Variants in NRXN1 observed in about 807,000 individuals in gnomAD.
NRXN1 encodes neurexin-1.
Under a neutral mutation model 150.9 loss-of-function variants are expected in NRXN1, and 39 were observed. The ratio of observed to expected loss-of-function variants is 0.26; its 90% CI spans 0.20 to 0.34. The LOEUF (loss-of-function observed/expected upper bound fraction) is 0.34. Ranked by LOEUF, NRXN1 falls within the 10% of genes least tolerant of loss-of-function variation. The pLI is 1.00. For synonymous variants in NRXN1, 924 were observed against 757.0 expected, an observed-to-expected ratio of 1.22 and a Z score of -3.62; for missense variants, 1,815 against 1,949.9, an observed-to-expected ratio of 0.93 and a Z score of 1.30.
At chr2:50,170,212 G>GT (rs1223868647) in intron 18 of NRXN1, among the ~76,000 whole-genome samples, 3 of 151,812 alleles carry the variant, frequency 2.0e-5, no homozygotes, top group Admixed American at 6.6e-5. Context: ...AAAATTTGAA[G>GT]TTTGAAATGC....
At chr2:49,998,681 AT>A (rs1683400844) in intron 21 of NRXN1, among the ~76,000 whole-genome samples, 1 of 152,192 alleles carries the variant, frequency 6.6e-6, no homozygotes, top group Admixed American at 6.5e-5. Flanking sequence ...TTTAAAAAAA[AT>A]AATGTCATGG....
chr2:50,994,471 T>C (rs1261662461), intron 2 of NRXN1, among the ~76,000 whole-genome samples: 2 of 152,042 alleles, frequency 1.3e-5, no homozygotes, highest in East Asian at 3.9e-4. Context: ...ACTTTTGTTT[T>C]GACAAGAGAA....
intron 17 of NRXN1, among the ~76,000 whole-genome samples, chr2:50,239,460 C>A (rs1042108978): frequency 4.8e-5 from 7 of 145,152 alleles, no homozygotes. Context: ...TATAAAACAA[C>A]ATTGCATATT....
intron 16 of NRXN1, among the ~76,000 whole-genome samples, chr2:50,467,166 T>C (rs898253242): frequency 3.3e-5 from 5 of 151,884 alleles, no homozygotes; most frequent in African/African-American, 1.2e-4. Flanking sequence ...ATTGGGTATA[T>C]GCCACTTATG....
chr2:50,136,232 C>A (rs1400334940), intron 18 of NRXN1, among the ~76,000 whole-genome samples: 3 of 152,018 alleles, frequency 2.0e-5, no homozygotes, highest in Admixed American at 6.6e-5. Flanking sequence ...AGTAGTTGAG[C>A]AAGCCTGACT....
At chr2:50,967,665 C>A (rs142874138) in intron 2 of NRXN1, among the ~76,000 whole-genome samples, 1 of 151,976 alleles carries the variant, frequency 6.6e-6, no homozygotes, top group African/African-American at 2.4e-5. Context: ...GAAGAGAGGG[C>A]AAAAGGCTGT....
chr2:50,248,821 G>C (rs1230156341), intron 17 of NRXN1, among the ~76,000 whole-genome samples: 1 of 152,048 alleles, frequency 6.6e-6, no homozygotes, highest in Non-Finnish European at 1.5e-5. Context: ...AGGGAAACTA[G>C]TGTAAACAAA....
chr2:50,267,065 G>A (rs922294185), intron 17 of NRXN1, among the ~76,000 whole-genome samples: 10 of 152,160 alleles, frequency 6.6e-5, no homozygotes, highest in African/African-American at 2.4e-4. Context: ...AGGCTACTGT[G>A]ATTCTGTTTT....
At chr2:50,669,490 T>C (rs1484749086) in intron 5 of NRXN1, among the ~76,000 whole-genome samples, 3 of 152,008 alleles carry the variant, frequency 2.0e-5, no homozygotes, top group African/African-American at 7.2e-5. Flanking sequence ...TTATCCTCAC[T>C]TGGAGATACA....
At chr2:50,795,135 T>C (rs72889427) in intron 5 of NRXN1, among the ~76,000 whole-genome samples, 4,618 of 152,184 alleles carry the variant, frequency 0.03, 219 homozygotes, top group African/African-American at 0.1. Context: ...CTGGGACCTG[T>C]AGTCTTTTCA....
intron 15 of NRXN1, among the ~76,000 whole-genome samples, chr2:50,493,499 C>A (rs893926107): frequency 6.6e-6 from 1 of 152,120 alleles, no homozygotes; most frequent in South Asian, 2.1e-4. Context: ...GAGAGCTTTG[C>A]ATTGCAGAAA....
chr2:50,707,593 CTGA>C, intron 5 of NRXN1, among the ~76,000 whole-genome samples: 1 of 152,224 alleles, frequency 6.6e-6, no homozygotes, highest in African/African-American at 2.4e-5. Context: ...TCCTGCTGCC[CTGA>C]TGAAGCCTGG....
At chr2:50,961,084 TAC>T (rs1558495496) in intron 2 of NRXN1, among the ~76,000 whole-genome samples, 1 of 151,916 alleles carries the variant, frequency 6.6e-6, no homozygotes, top group East Asian at 1.9e-4. Flanking sequence ...AATATGCTGA[TAC>T]AGAGATAAGA....
intron 18 of NRXN1, among the ~76,000 whole-genome samples, chr2:50,092,369 A>G (rs2152698736): frequency 6.6e-6 from 1 of 152,330 alleles, no homozygotes; most frequent in Middle Eastern, 3.4e-3. Flanking sequence ...CAACTCTACC[A>G]TGAAATCAGT....
At chr2:50,856,015 C>T (rs2106001973) in intron 5 of NRXN1, among the ~76,000 whole-genome samples, 1 of 148,966 alleles carries the variant, frequency 6.7e-6, no homozygotes, top group South Asian at 2.1e-4. Flanking sequence ...AGCAACAGAA[C>T]ACGAGTAGCC....
intron 2 of NRXN1, among the ~76,000 whole-genome samples, chr2:50,942,864 T>C (rs1220322671): frequency 1.3e-5 from 2 of 152,134 alleles, no homozygotes; most frequent in African/African-American, 4.8e-5. Context: ...TGATTGGTTT[T>C]GAAATGTGAA....
chr2:50,672,423 T>C (rs72885699), intron 5 of NRXN1, among the ~76,000 whole-genome samples: 4,021 of 152,108 alleles, frequency 0.026, 178 homozygotes, highest in African/African-American at 0.091. Flanking sequence ...CTTGCCTTGG[T>C]CATAAAATTT....
chr2:50,545,803 C>T (rs1207840353), intron 9 of NRXN1, among the ~76,000 whole-genome samples: 3 of 152,058 alleles, frequency 2.0e-5, no homozygotes, highest in African/African-American at 4.8e-5. Flanking sequence ...CTGGAGACAC[C>T]AAAATCTGTG....
chr2:51,014,556 T>C (rs1342198553), intron 2 of NRXN1, among the ~76,000 whole-genome samples: 1 of 152,004 alleles, frequency 6.6e-6, no homozygotes, highest in Non-Finnish European at 1.5e-5. Context: ...ACAGACTTCT[T>C]TGAAACACAG....
Sources: gnomAD v4.1 joint callset for allele counts (sites outside exome capture counted in the v4.1 genomes callset) on GRCh38, gnomAD v4.1.1 for gene constraint, MANE v1.5 for transcripts, NCBI Gene and HGNC (gene_info 2026-07-23, HGNC 2026-07-21) for gene names.